TNFAIP3: variants seen among roughly 807,000 people sequenced by gnomAD.
The protein encoded by TNFAIP3 is tumor necrosis factor alpha-induced protein 3.
Under a neutral mutation model 72.4 loss-of-function variants are expected in TNFAIP3, and 9 were observed. That is an observed-to-expected ratio of 0.12 (90% CI 0.07 to 0.22). The LOEUF (loss-of-function observed/expected upper bound fraction) is 0.22, where lower values mean the gene tolerates loss of function less well. TNFAIP3 is among the 10% of genes least tolerant of loss of function. TNFAIP3 has a pLI of 1.00. For missense variants in TNFAIP3, 833 were observed against 1,018.7 expected (o/e 0.82, Z 2.48); for synonymous variants, 339 against 372.6 (o/e 0.91, Z 1.04).
intron 3 of TNFAIP3, among the ~76,000 whole-genome samples, chr6:137,875,326 A>C (rs1401326120): frequency 6.6e-6 from 1 of 152,128 alleles, no homozygotes; most frequent in Admixed American, 6.5e-5. Flanking sequence ...GATTGCCCTT[A>C]GCTTTGCTGA....
At chr6:137,875,102 G>T (rs1776199773) in intron 3 of TNFAIP3, 67 bp downstream of exon 3, 10 of 1,570,780 alleles carry the variant, frequency 6.4e-6, no homozygotes, top group Non-Finnish European at 8.7e-6. Flanking sequence ...CCCTGGGCGA[G>T]TCCCTGCCCT....
At position 137,878,688 on chromosome 6, in the gene TNFAIP3, C is replaced by CAA; in HGVS notation, c.1246_1247dup (p.Asn416LysfsTer7). On this transcript the variant is annotated frameshift_variant, in exon 7 of 9. Coordinates refer to ENST00000612899, the MANE Select transcript of TNFAIP3 (RefSeq NM_001270508.2). LOFTEE classifies it high-confidence loss of function. The stretch of plus-strand genomic sequence containing the variant: ...GTGCTCAGAGAGGCGGCAAAAGAAT[C>CAA]AAAACAAACTCCCAAAGCTGAACTC... The CAA allele has an allele frequency of 6.2e-7, 1 of 1,614,124 alleles. No homozygotes were observed. The highest frequency in any genetic ancestry group is 1.7e-5 in the Admixed American group (1 of 60,032).
intron 8 of TNFAIP3, 34 bp downstream of exon 8, chr6:137,880,286 G>A (rs1216187053): frequency 1.2e-5 from 20 of 1,610,790 alleles, no homozygotes; most frequent in Middle Eastern, 1.6e-4. Flanking sequence ...CCTCCCTCCC[G>A]TGTGTTCGAT....
In TNFAIP3 at chr6:137,871,624, A is replaced by G. The variant is rs719150; in HGVS notation, c.295+102A>G. 0.11 allele frequency: 138,908 copies of G among 1,321,254 alleles called. 12,542 individuals are homozygous for G. Among genetic ancestry groups the G allele is most frequent in the African/African-American group, 0.47 (31,813 of 68,002 alleles). 81.8% of individuals were successfully genotyped at this position (1,321,254 alleles called of 1,614,324 possible). On this transcript the variant is annotated intron_variant, in intron 2 of 8. Transcript: ENST00000612899. This position sits in a 1 kb window ranked among gnomAD's most constrained non-coding sequence, Gnocchi z 4.2. ...ATAGGACAAGCCCAAACTCAAATCA[A>G]TCTTGAGATTTAGTATTGAGACCTT...
chr6:137,881,931 C>A lies in TNFAIP3; in HGVS notation c.*612C>A. The A allele has an allele frequency of 4.3e-6, 1 of 232,012 alleles. No individual in the cohort carries two copies. Among genetic ancestry groups the A allele is most frequent in the Non-Finnish European group, 8.5e-6 (1 of 117,210 alleles). 14.4% of individuals were successfully genotyped at this position (232,012 alleles called of 1,614,324 possible). A position where few individuals can be genotyped will look rare whatever the true frequency, so the allele number is the denominator to read the frequency against. On this transcript the variant is annotated 3_prime_UTR_variant, in exon 9 of 9. Coordinates refer to ENST00000612899, the MANE Select transcript of TNFAIP3 (RefSeq NM_001270508.2). The surrounding 1 kb of genome is among the most constrained non-coding windows in gnomAD (Gnocchi z 5.0). ...GCAGAACCATCCATGGACTGTGATT[C>A]TGAGGCTGCTGAGACTGAACATGTT...
In TNFAIP3 at chr6:137,876,033, C is replaced by T. The variant is rs370381369; in HGVS notation, c.672C>T (p.Phe224=). The stretch of plus-strand genomic sequence containing the variant: ...GAAGTTTGGAATCAGGTTCCAATTT[C>T]GCCCCTTTGAAAGTGGGTGGAATTT... The part of the protein sequence containing the change: ...MLRSLESGSN[F]APLKVGGIYL... The change falls in exon 5 of 9, where the codon TTC becomes TTT. Residue 224 remains phenylalanine (F), a synonymous_variant. Coordinates refer to ENST00000612899, the MANE Select transcript of TNFAIP3 (RefSeq NM_001270508.2). 1.1e-5 allele frequency: 17 copies of T among 1,613,828 alleles called. No individual in the cohort carries two copies. Among genetic ancestry groups the T allele is most frequent in the African/African-American group, 8.0e-5 (6 of 74,910 alleles).
intron 1 of TNFAIP3, among the ~76,000 whole-genome samples, chr6:137,868,699 T>TAAAA (rs5880363): frequency 0.06 from 8,921 of 148,578 alleles, 321 homozygotes; most frequent in African/African-American, 0.087. Context: ...TAACAAATGT[T>TAAAA]AAAAAAAAAA....
At position 137,877,274 on chromosome 6, in the gene TNFAIP3, A is replaced by G; in HGVS notation, c.986+18A>G. The G allele has an allele frequency of 6.3e-7, 1 of 1,594,324 alleles. No homozygotes were observed. On this transcript the variant is annotated intron_variant, in intron 6 of 8. Coordinates refer to ENST00000612899, the MANE Select transcript of TNFAIP3 (RefSeq NM_001270508.2). Reference sequence around the variant, plus strand: ...GCCGCAAAGTAAGCAGTTTATGTTCAGCTCTCTCCTGTGTCATCTGTAACT... The same window carrying G: ...GCCGCAAAGTAAGCAGTTTATGTTCGGCTCTCTCCTGTGTCATCTGTAACT...
At position 137,881,384 on chromosome 6, in the gene TNFAIP3, A is replaced by G. The variant is rs1776457943; in HGVS notation, c.*65A>G. 1 of 1,440,372 alleles carries G rather than the reference A, an allele frequency of 6.9e-7. No individual in the cohort carries two copies. Among genetic ancestry groups the G allele is most frequent in the East Asian group, 2.3e-5 (1 of 43,490 alleles). 89.2% of individuals were successfully genotyped at this position (1,440,372 alleles called of 1,614,324 possible). ...TCGAGCTGTCAGTCATCATGGTGCT[A>G]TCCTCTGAACCCCTCAGCTGCCACT... On this transcript the variant is annotated 3_prime_UTR_variant, in exon 9 of 9. Coordinates refer to ENST00000612899, the MANE Select transcript of TNFAIP3 (RefSeq NM_001270508.2). This position sits in a 1 kb window ranked among gnomAD's most constrained non-coding sequence, Gnocchi z 5.0.
rs1776070109 is a variant in TNFAIP3, at chr6:137,871,662, C to T, written c.295+140C>T. On this transcript the variant is annotated intron_variant, in intron 2 of 8. Transcript: ENST00000612899. This position sits in a 1 kb window ranked among gnomAD's most constrained non-coding sequence, Gnocchi z 4.2. ...GTATTGAGACCTTTATATAGAATCT[C>T]TATTCGGGGTATGTGATAATAGCAG... 4.4e-6 allele frequency: 4 copies of T among 916,862 alleles called. No individual in the cohort carries two copies. Among genetic ancestry groups the T allele is most frequent in the African/African-American group, 3.3e-5 (2 of 59,814 alleles). 56.8% of individuals were successfully genotyped at this position (916,862 alleles called of 1,614,324 possible). A position where few individuals can be genotyped will look rare whatever the true frequency, so the allele number is the denominator to read the frequency against.
rs772189201 is a variant in TNFAIP3, at chr6:137,880,040, G to A, written c.1907-31G>A. 6 of 1,609,154 alleles carry A rather than the reference G, an allele frequency of 3.7e-6. No homozygotes were observed. The South Asian group carries it at 5.5e-5, about 15-fold the overall frequency. ...TCTGTATCGGTGGGGTGACCCCTAT[G>A]TGGTACTAACTAGCATCCATTCTCA... On this transcript the variant is annotated intron_variant, in intron 7 of 8. Coordinates refer to ENST00000612899, the MANE Select transcript of TNFAIP3 (RefSeq NM_001270508.2).
chr6:137,873,170 G>A (rs1171916949), intron 2 of TNFAIP3, among the ~76,000 whole-genome samples: 1 of 152,088 alleles, frequency 6.6e-6, no homozygotes, highest in African/African-American at 2.4e-5. Context: ...AGGAAGAAAA[G>A]ATATTTAGGG....
intron 3 of TNFAIP3, 84 bp from the exon 4 acceptor site, chr6:137,875,604 A>T (rs1188969936): frequency 2.1e-6 from 3 of 1,447,518 alleles, no homozygotes; most frequent in Non-Finnish European, 1.9e-6. Context: ...ATAAATGAAT[A>T]ATTGTAGAGT....
chr6:137,876,067 C>T lies in TNFAIP3; in HGVS notation c.706C>T (p.Leu236Phe). The change falls in exon 5 of 9, where the codon CTC (leucine) becomes TTC (phenylalanine). Residue 236 changes from leucine to phenylalanine, a missense_variant. Physicochemically the swap from Leu to Phe is conservative, Grantham distance 22. Coordinates refer to ENST00000612899, the MANE Select transcript of TNFAIP3 (RefSeq NM_001270508.2). ...PLKVGGIYLP[L>F]HWPAQECYRY... is the part of the protein sequence containing the mutation. ...GAAAGTGGGTGGAATTTACTTGCCTCTCCACTGGCCTGCCCAGGAATGCTA... is the reference window on the plus strand; with the variant it reads ...GAAAGTGGGTGGAATTTACTTGCCTTTCCACTGGCCTGCCCAGGAATGCTA... 1 of 1,614,170 alleles carries T rather than the reference C, an allele frequency of 6.2e-7. No individual in the cohort carries two copies. Among genetic ancestry groups the T allele is most frequent in the Non-Finnish European group, 8.5e-7 (1 of 1,180,018 alleles).
At chr6:137,873,331 G>A (rs149926169) in intron 2 of TNFAIP3, among the ~76,000 whole-genome samples, 11 of 152,268 alleles carry the variant, frequency 7.2e-5, no homozygotes, top group Admixed American at 4.6e-4. Flanking sequence ...ATGAGACTGC[G>A]GTGAATGAGG....
At chr6:137,880,316 TCTAC>T in intron 8 of TNFAIP3, 64 bp downstream of exon 8, 1 of 1,563,268 alleles carries the variant, frequency 6.4e-7, no homozygotes, top group Non-Finnish European at 8.8e-7. Flanking sequence ...TGGAGCGTTT[TCTAC>T]CGACAGTGAC....
chr6:137,874,793 T>G (rs1486682948), intron 2 of TNFAIP3, 52 bp from the exon 3 acceptor site: 1 of 1,577,268 alleles, frequency 6.3e-7, no homozygotes, highest in Non-Finnish European at 8.6e-7. Context: ...TTGCTGGGTC[T>G]TACATGCAGA....
In TNFAIP3 at chr6:137,881,542, G is replaced by A. The variant is rs956562699; in HGVS notation, c.*223G>A. 6.6e-6 allele frequency: 3 copies of A among 451,508 alleles called. No homozygotes were observed. Among genetic ancestry groups the A allele is most frequent in the Admixed American group, 4.0e-5 (1 of 25,068 alleles). The allele number at this position is 451,508 out of a possible 1,614,324, so 28.0% of individuals were successfully genotyped here. The stretch of plus-strand genomic sequence containing the variant: ...AAAGCAAAGCTTGTAACTGGCAAGG[G>A]ATGATGTCAGATTCAGCCCAAGGTT... On this transcript the variant is annotated 3_prime_UTR_variant, in exon 9 of 9. Coordinates refer to ENST00000612899, the MANE Select transcript of TNFAIP3 (RefSeq NM_001270508.2). The surrounding 1 kb of genome is among the most constrained non-coding windows in gnomAD (Gnocchi z 5.0).
chr6:137,868,388 C>A (rs1582881016), intron 1 of TNFAIP3, among the ~76,000 whole-genome samples: 1 of 152,140 alleles, frequency 6.6e-6, no homozygotes, highest in African/African-American at 2.4e-5. Context: ...ACTTCTGGAC[C>A]GCAACCTTAA....
Sources: gnomAD v4.1 joint callset for allele counts (sites outside exome capture counted in the v4.1 genomes callset) on GRCh38, gnomAD v4.1.1 for gene constraint, Gnocchi (gnomAD v3.1) non-coding constraint, MANE v1.5 for transcripts, NCBI Gene and HGNC (gene_info 2026-07-23, HGNC 2026-07-21) for gene names.